DYRK1A: variants seen among roughly 807,000 people sequenced by gnomAD.
DYRK1A encodes the protein dual specificity tyrosine-phosphorylation-regulated kinase 1A.
A neutral mutation model predicts 79.7 loss-of-function variants in DYRK1A; 9 were observed. That is an observed-to-expected ratio of 0.11 (90% confidence interval 0.07 to 0.20). DYRK1A has a LOEUF of 0.20. Ranked by LOEUF, DYRK1A falls within the 10% of genes least tolerant of loss-of-function variation. The pLI is 1.00. For missense variants in DYRK1A, 622 were observed against 956.0 expected (o/e 0.65, Z 4.61); for synonymous variants, 349 against 329.7 (o/e 1.06, Z -0.63).
chr21:37,460,702 A>G (rs1198049770), intron 2 of DYRK1A, among the ~76,000 whole-genome samples: 2 of 152,188 alleles, frequency 1.3e-5, no homozygotes, highest in Admixed American at 6.5e-5. Flanking sequence ...TTTAATTTAA[A>G]TAGGTTTCAT....
intron 3 of DYRK1A, among the ~76,000 whole-genome samples, chr21:37,476,427 A>G (rs372977264): frequency 7.9e-5 from 12 of 152,310 alleles, no homozygotes; most frequent in Middle Eastern, 3.4e-3. Context: ...CTTCCTGTCA[A>G]CTTTTATTAT....
intron 1 of DYRK1A, among the ~76,000 whole-genome samples, chr21:37,376,600 G>C (rs936937502): frequency 6.6e-6 from 1 of 152,146 alleles, no homozygotes; most frequent in African/African-American, 2.4e-5. Flanking sequence ...GTGTTAGCTT[G>C]CTTCGATGGC....
intron 2 of DYRK1A, among the ~76,000 whole-genome samples, chr21:37,436,089 G>A (rs141990051): frequency 6.6e-6 from 1 of 152,182 alleles, no homozygotes; most frequent in Non-Finnish European, 1.5e-5. Context: ...GAAAAGTGCT[G>A]TAAGGATTTA....
chr21:37,448,832 G>A (rs1304838837), intron 2 of DYRK1A, among the ~76,000 whole-genome samples: 1 of 152,114 alleles, frequency 6.6e-6, no homozygotes, highest in Non-Finnish European at 1.5e-5. Context: ...AAGTAGCTGG[G>A]ACTATAGGCA....
intron 4 of DYRK1A, 42 bp downstream of exon 4, chr21:37,478,342 G>T (rs773626175): frequency 6.4e-7 from 1 of 1,564,376 alleles, no homozygotes; most frequent in South Asian, 1.2e-5. Context: ...CTTGCAGTAT[G>T]TCATTGAGAA....
chr21:37,466,557 A>T (rs1214205244), intron 2 of DYRK1A, among the ~76,000 whole-genome samples: 2 of 152,336 alleles, frequency 1.3e-5, no homozygotes, highest in Admixed American at 1.3e-4. Flanking sequence ...AGGTAAAGGT[A>T]AAAAGATGGA....
chr21:37,404,673 C>T (rs1368741453), intron 1 of DYRK1A, among the ~76,000 whole-genome samples: 1 of 152,214 alleles, frequency 6.6e-6, no homozygotes. Flanking sequence ...CATGACCCTT[C>T]AGGGATCACA....
intron 1 of DYRK1A, among the ~76,000 whole-genome samples, chr21:37,375,888 C>G (rs1264686889): frequency 6.6e-6 from 1 of 151,878 alleles, no homozygotes; most frequent in Non-Finnish European, 1.5e-5. Context: ...GCCTGAAAAC[C>G]CATAGCCCTA....
intron 2 of DYRK1A, among the ~76,000 whole-genome samples, chr21:37,428,072 C>G (rs567301034): frequency 1.3e-5 from 2 of 152,144 alleles, no homozygotes; most frequent in Non-Finnish European, 2.9e-5. Context: ...TTGACCCAGA[C>G]AGAGGTTCGG....
At chr21:37,389,957 T>G (rs1365202537) in intron 1 of DYRK1A, among the ~76,000 whole-genome samples, 1 of 151,098 alleles carries the variant, frequency 6.6e-6, no homozygotes, top group Non-Finnish European at 1.5e-5. Flanking sequence ...AGGGTGTTGC[T>G]CACTTGCCTG....
chr21:37,409,781 C>T (rs964090114), intron 1 of DYRK1A, among the ~76,000 whole-genome samples: 1 of 152,094 alleles, frequency 6.6e-6, no homozygotes, highest in Non-Finnish European at 1.5e-5. Context: ...TTATTCTACT[C>T]TTCTAAAACT....
chr21:37,396,033 TG>T (rs2049954345), intron 1 of DYRK1A, among the ~76,000 whole-genome samples: 1 of 152,234 alleles, frequency 6.6e-6, no homozygotes, highest in Non-Finnish European at 1.5e-5. Context: ...TCTTTCCTCC[TG>T]GGAGTGATTC....
At chr21:37,422,159 C>T (rs549897690) in intron 2 of DYRK1A, among the ~76,000 whole-genome samples, 27 of 152,170 alleles carry the variant, frequency 1.8e-4, no homozygotes, top group Admixed American at 7.2e-4. Context: ...CTTATTCAGC[C>T]TTGTATTCTT....
chr21:37,505,209 T>C (rs1395249049), intron 9 of DYRK1A, 74 bp from the exon 10 acceptor site: 1 of 1,203,928 alleles, frequency 8.3e-7, no homozygotes, highest in African/African-American at 1.5e-5. Flanking sequence ...TTTAAACATA[T>C]TTGAAATTCA....
At chr21:37,460,307 GTAT>G (rs574431659) in intron 2 of DYRK1A, among the ~76,000 whole-genome samples, 50 of 152,182 alleles carry the variant, frequency 3.3e-4, no homozygotes, top group African/African-American at 1.2e-3. Flanking sequence ...TGCTCTTTTT[GTAT>G]TATTAAGTCA....
intron 1 of DYRK1A, among the ~76,000 whole-genome samples, chr21:37,413,608 A>G (rs933879665): frequency 2.6e-5 from 4 of 152,146 alleles, no homozygotes; most frequent in Admixed American, 1.3e-4. Context: ...GTTAGGGAAT[A>G]TATACATAAA....
intron 1 of DYRK1A, among the ~76,000 whole-genome samples, chr21:37,369,959 AATGTCTTGT>A (rs1363618571): frequency 6.6e-6 from 1 of 152,202 alleles, no homozygotes; most frequent in Non-Finnish European, 1.5e-5. Flanking sequence ...ATATTAGTGT[AATGTCTTGT>A]TAGGGAATGT....
intron 1 of DYRK1A, among the ~76,000 whole-genome samples, chr21:37,396,068 G>T (rs1395160159): frequency 2.6e-5 from 4 of 152,164 alleles, no homozygotes; most frequent in African/African-American, 9.7e-5. Flanking sequence ...TCTGTTTTCT[G>T]TGTAGTGCAG....
chr21:37,383,615 T>G (rs1435413417), intron 1 of DYRK1A, among the ~76,000 whole-genome samples: 1 of 152,240 alleles, frequency 6.6e-6, no homozygotes, highest in Non-Finnish European at 1.5e-5. Context: ...AACCTGTTTA[T>G]TGATTTAATT....
Sources: allele counts gnomAD v4.1 joint callset (sites outside exome capture counted in the v4.1 genomes callset), GRCh38; gene constraint gnomAD v4.1.1; transcripts MANE v1.5; gene names NCBI Gene and HGNC (gene_info 2026-07-23, HGNC 2026-07-21).